Variants in PARM1 observed in about 807,000 individuals in gnomAD.
PARM1 encodes the protein WSC4, cell wall integrity and stress response component 4 homolog.
PARM1 carries 14 observed loss-of-function variants against 24.6 expected under a neutral mutation model. That is an observed-to-expected ratio of 0.57 (90% CI 0.38 to 0.89). The LOEUF is 0.89. Among genes scored for constraint, PARM1 ranks in the 40% least tolerant of loss-of-function variants. The probability of loss-of-function intolerance (pLI) is 0.00; values close to 1 mark genes in which losing one functional copy is unlikely to be tolerated. For missense variants in PARM1, 362 were observed against 380.4 expected (o/e 0.95, Z 0.40); for synonymous variants, 179 against 156.6 (o/e 1.14, Z -1.07).
intron 2 of PARM1, among the ~76,000 whole-genome samples, chr4:75,020,317 G>A (rs1299825236): frequency 1.3e-5 from 2 of 151,994 alleles, no homozygotes; most frequent in African/African-American, 2.4e-5. Flanking sequence ...GTCGTCTTAC[G>A]GTGAGTGTCA....
At chr4:75,042,336 G>A (rs937937531) in intron 3 of PARM1, among the ~76,000 whole-genome samples, 4 of 152,180 alleles carry the variant, frequency 2.6e-5, no homozygotes, top group Non-Finnish European at 5.9e-5. Context: ...TATTGAATCA[G>A]TGCCAGTCTT....
chr4:74,973,931 T>C (rs971836900), intron 1 of PARM1, among the ~76,000 whole-genome samples: 1 of 152,048 alleles, frequency 6.6e-6, no homozygotes. Context: ...TTGTAAAGAA[T>C]TGGCTCGGAT....
At chr4:75,002,554 C>G (rs149297419) in intron 1 of PARM1, among the ~76,000 whole-genome samples, 51 of 152,090 alleles carry the variant, frequency 3.4e-4, no homozygotes, top group Middle Eastern at 3.4e-3. Context: ...CCTGCAGGCA[C>G]AGGAGTGAGG....
At chr4:74,979,280 G>T (rs1037725405) in intron 1 of PARM1, among the ~76,000 whole-genome samples, 1 of 151,940 alleles carries the variant, frequency 6.6e-6, no homozygotes, top group African/African-American at 2.4e-5. Context: ...TGATAAAGGG[G>T]ATATCGCCAC....
At chr4:75,045,451 CAATT>C (rs1325082662) in intron 3 of PARM1, among the ~76,000 whole-genome samples, 1 of 152,194 alleles carries the variant, frequency 6.6e-6, no homozygotes, top group Non-Finnish European at 1.5e-5. Context: ...GAGGGTCTCA[CAATT>C]AATTATCCAC....
intron 1 of PARM1, among the ~76,000 whole-genome samples, chr4:74,991,004 C>T (rs1722456538): frequency 1.3e-5 from 2 of 152,150 alleles, no homozygotes; most frequent in Non-Finnish European, 2.9e-5. Flanking sequence ...ACAGACTTCA[C>T]AGCCAACTTT....
At chr4:75,042,583 CTT>C (rs572491697) in intron 3 of PARM1, among the ~76,000 whole-genome samples, 6 of 145,858 alleles carry the variant, frequency 4.1e-5, no homozygotes, top group Non-Finnish European at 3.0e-5. Flanking sequence ...TTCTGATTGT[CTT>C]TTTTTTTTTA....
chr4:74,936,320 C>T (rs1177790295), intron 1 of PARM1, among the ~76,000 whole-genome samples: 2 of 152,168 alleles, frequency 1.3e-5, no homozygotes, highest in Non-Finnish European at 2.9e-5. Context: ...CCTTTATCCC[C>T]AAAACCAAGA....
intron 1 of PARM1, among the ~76,000 whole-genome samples, chr4:74,950,600 T>C (rs755412504): frequency 2.0e-5 from 3 of 152,230 alleles, no homozygotes; most frequent in African/African-American, 4.8e-5. Context: ...TTGGGGAACA[T>C]GGTTCAACTT....
At chr4:74,982,253 A>C (rs1316874892) in intron 1 of PARM1, among the ~76,000 whole-genome samples, 1 of 152,178 alleles carries the variant, frequency 6.6e-6, no homozygotes, top group Admixed American at 6.5e-5. Flanking sequence ...ATGTGAACAC[A>C]TAGACACAGG....
chr4:75,016,687 C>T (rs1722995683), intron 2 of PARM1, among the ~76,000 whole-genome samples: 1 of 152,116 alleles, frequency 6.6e-6, no homozygotes, highest in East Asian at 1.9e-4. Flanking sequence ...TCAGAGTGTG[C>T]ATTTTCACTA....
At chr4:75,021,708 G>A (rs1250756646) in intron 2 of PARM1, among the ~76,000 whole-genome samples, 1 of 152,132 alleles carries the variant, frequency 6.6e-6, no homozygotes, top group Admixed American at 6.5e-5. Flanking sequence ...AGAACATGCA[G>A]TGTTTGGTTT....
chr4:75,013,253 A>T, intron 2 of PARM1, 103 bp downstream of exon 2: 1 of 1,167,502 alleles, frequency 8.6e-7, no homozygotes, highest in Non-Finnish European at 1.2e-6. Context: ...TTGGAGTGTA[A>T]CACCTAAGTT....
chr4:75,002,927 A>T (rs367719090), intron 1 of PARM1, among the ~76,000 whole-genome samples: 8 of 152,228 alleles, frequency 5.3e-5, no homozygotes, highest in African/African-American at 1.7e-4. Flanking sequence ...GCACATCTTA[A>T]TTTGTAAGTT....
intron 1 of PARM1, among the ~76,000 whole-genome samples, chr4:74,995,547 C>T (rs920800069): frequency 6.6e-6 from 1 of 152,066 alleles, no homozygotes; most frequent in Non-Finnish European, 1.5e-5. Flanking sequence ...GTGAGGAGCC[C>T]AGTCAGGGTT....
At chr4:74,978,204 T>C (rs1253393688) in intron 1 of PARM1, among the ~76,000 whole-genome samples, 1 of 152,222 alleles carries the variant, frequency 6.6e-6, no homozygotes, top group Non-Finnish European at 1.5e-5. Context: ...CTCATCAGTG[T>C]GCTGTATTCA....
intron 2 of PARM1, among the ~76,000 whole-genome samples, chr4:75,024,255 C>CAAAAAA (rs369591905): frequency 7.4e-6 from 1 of 134,796 alleles, no homozygotes; most frequent in Admixed American, 7.5e-5. Context: ...GAGACTCTGT[C>CAAAAAA]AAAAAAAAAA....
intron 2 of PARM1, 35 bp downstream of exon 2, chr4:75,013,185 T>C: frequency 6.4e-7 from 1 of 1,571,394 alleles, no homozygotes; most frequent in Non-Finnish European, 8.6e-7. Context: ...TTTTCTTTAC[T>C]ACACCCTCAC....
At chr4:74,955,981 A>G (rs1721622830) in intron 1 of PARM1, 1 of 152,386 alleles carries the variant, frequency 6.6e-6, no homozygotes, top group East Asian at 1.9e-4. Context: ...AAATCAGACT[A>G]GTAGCAAGTA....
Sources: gnomAD v4.1 joint callset for allele counts (sites outside exome capture counted in the v4.1 genomes callset) on GRCh38, gnomAD v4.1.1 for gene constraint, MANE v1.5 for transcripts, NCBI Gene and HGNC (gene_info 2026-07-23, HGNC 2026-07-21) for gene names.